Variants in IL18R1 observed in about 807,000 individuals in gnomAD.
The protein encoded by IL18R1 is interleukin-18 receptor 1.
Under a neutral mutation model 48.5 loss-of-function variants are expected in IL18R1, and 40 were observed. That is an observed-to-expected ratio of 0.82 (90% CI 0.64 to 1.07). IL18R1 has a LOEUF of 1.07. Ranked by LOEUF, IL18R1 falls within the 50% of genes least tolerant of loss-of-function variation. IL18R1 has a pLI of 0.00. For synonymous variants in IL18R1, 232 were observed against 225.9 expected (o/e 1.03, Z -0.24); for missense variants, 596 against 633.7 (o/e 0.94, Z 0.64).
rs1310517921 is a variant in IL18R1 at position 102,367,817 on chromosome 2, T to C, written c.59-8T>C. ...TTTTATTTATTTTACTTTACTAATC[T>C]TTTGAAGAATCTTGTACTTCACGTC... On this transcript the variant is annotated splice_polypyrimidine_tract_variant and splice_region_variant and intron_variant, in intron 2 of 10. Coordinates refer to ENST00000233957, the MANE Select transcript of IL18R1 (RefSeq NM_003855.5). 5.0e-6 allele frequency: 8 copies of C among 1,606,772 alleles called. No homozygotes were observed. In the African/African-American group the frequency reaches 1.1e-4, roughly 22 times the overall value.
intron 2 of IL18R1, among the ~76,000 whole-genome samples, chr2:102,363,503 A>G (rs1454206737): frequency 1.3e-5 from 2 of 152,212 alleles, no homozygotes; most frequent in African/African-American, 4.8e-5. Flanking sequence ...CCCAGATGAT[A>G]AAAGAATGAG....
intron 2 of IL18R1, among the ~76,000 whole-genome samples, chr2:102,363,680 G>A (rs139477134): frequency 0.013 from 1,908 of 149,280 alleles, 49 homozygotes; most frequent in African/African-American, 0.045. Flanking sequence ...CATGCAGCCA[G>A]TTGTGCAAAG....
At chr2:102,371,927 A>G in intron 3 of IL18R1, 26 bp from the exon 4 acceptor site, 1 of 1,346,000 alleles carries the variant, frequency 7.4e-7, no homozygotes, top group Non-Finnish European at 1.0e-6. Flanking sequence ...AGCATTATAA[A>G]ATACCTTTAC....
chr2:102,358,275 T>C (rs1678370016), intron 1 of IL18R1, among the ~76,000 whole-genome samples: 1 of 152,182 alleles, frequency 6.6e-6, no homozygotes, highest in South Asian at 2.1e-4. Flanking sequence ...GTGGGACCCA[T>C]AAACAAGGGC....
At chr2:102,379,755 T>A (rs565575267) in intron 5 of IL18R1, among the ~76,000 whole-genome samples, 1 of 152,134 alleles carries the variant, frequency 6.6e-6, no homozygotes, top group Non-Finnish European at 1.5e-5. Flanking sequence ...CAGGAGAAGG[T>A]TAGAGTCATG....
At chr2:102,380,452 C>T (rs971521473) in intron 5 of IL18R1, among the ~76,000 whole-genome samples, 10 of 152,124 alleles carry the variant, frequency 6.6e-5, no homozygotes, top group Admixed American at 6.5e-5. Context: ...GAATTCAAGC[C>T]GGTGTTGCTT....
intron 4 of IL18R1, 72 bp from the exon 5 acceptor site, chr2:102,375,835 C>A: frequency 9.7e-7 from 1 of 1,032,840 alleles, no homozygotes; most frequent in Non-Finnish European, 1.3e-6. Flanking sequence ...ATCTTTAACT[C>A]AAAAATTTGG....
chr2:102,389,992 A>G (rs1301713118), intron 8 of IL18R1, 64 bp from the exon 9 acceptor site: 6 of 1,545,694 alleles, frequency 3.9e-6, no homozygotes, highest in Non-Finnish European at 5.3e-6. Context: ...CAAGCACGTG[A>G]TGATGGACAA....
At chr2:102,362,111 A>G (rs1678610949) in intron 1 of IL18R1, among the ~76,000 whole-genome samples, 1 of 152,230 alleles carries the variant, frequency 6.6e-6, no homozygotes, top group African/African-American at 2.4e-5. Context: ...AAATAGACTT[A>G]GTGCCTAGAA....
chr2:102,390,016 T>A, intron 8 of IL18R1, 40 bp from the exon 9 acceptor site: 1 of 1,604,790 alleles, frequency 6.2e-7, no homozygotes, highest in Non-Finnish European at 8.5e-7. Context: ...TGGTAAGATT[T>A]CTTGATTATT....
At chr2:102,388,693 C>T (rs181714983) in intron 8 of IL18R1, among the ~76,000 whole-genome samples, 1 of 152,180 alleles carries the variant, frequency 6.6e-6, no homozygotes, top group Non-Finnish European at 1.5e-5. Flanking sequence ...CCACCATCAC[C>T]CCGTGCCAAT....
At chr2:102,389,189 A>AT (rs980640949) in intron 8 of IL18R1, among the ~76,000 whole-genome samples, 1 of 152,178 alleles carries the variant, frequency 6.6e-6, no homozygotes, top group African/African-American at 2.4e-5. Flanking sequence ...TATAATTTTA[A>AT]TGACCTACTG....
intron 5 of IL18R1, among the ~76,000 whole-genome samples, chr2:102,380,691 C>T (rs185766481): frequency 5.3e-5 from 8 of 152,284 alleles, no homozygotes; most frequent in Middle Eastern, 6.8e-3. Flanking sequence ...TGAGAGGGCT[C>T]AGGGAGGTGT....
At chr2:102,373,103 G>C (rs1032850082) in intron 4 of IL18R1, among the ~76,000 whole-genome samples, 2 of 152,134 alleles carry the variant, frequency 1.3e-5, no homozygotes, top group African/African-American at 2.4e-5. Context: ...AAAACTCCTA[G>C]TGGTTTTTTC....
At chr2:102,378,900 C>A (rs1441374565) in intron 5 of IL18R1, among the ~76,000 whole-genome samples, 1 of 152,152 alleles carries the variant, frequency 6.6e-6, no homozygotes, top group Non-Finnish European at 1.5e-5. Context: ...GGAAGACAGC[C>A]AGGAGGTGTT....
intron 7 of IL18R1, among the ~76,000 whole-genome samples, chr2:102,385,394 G>T (rs1294629582): frequency 6.6e-6 from 1 of 152,082 alleles, no homozygotes; most frequent in Non-Finnish European, 1.5e-5. Flanking sequence ...GGCCAAAAAG[G>T]CTCCAAATGG....
At chr2:102,380,395 A>G (rs1679851269) in intron 5 of IL18R1, among the ~76,000 whole-genome samples, 1 of 152,212 alleles carries the variant, frequency 6.6e-6, no homozygotes, top group African/African-American at 2.4e-5. Context: ...GGTAGTCAGT[A>G]GCAGTTTTCC....
chr2:102,370,929 A>G (rs1173744030), intron 3 of IL18R1, among the ~76,000 whole-genome samples: 2 of 152,248 alleles, frequency 1.3e-5, no homozygotes, highest in Non-Finnish European at 2.9e-5. Context: ...TGCTGTATTT[A>G]GCAAATAAAT....
chr2:102,376,216 G>A (rs953854980), intron 5 of IL18R1, among the ~76,000 whole-genome samples, 153 bp downstream of exon 5: 46 of 152,060 alleles, frequency 3.0e-4, no homozygotes, highest in African/African-American at 8.5e-4. Context: ...TCTTCATTCT[G>A]GTGCTCCTCT....
Sources: allele counts gnomAD v4.1 joint callset (sites outside exome capture counted in the v4.1 genomes callset), GRCh38; gene constraint gnomAD v4.1.1; transcripts MANE v1.5; gene names NCBI Gene and HGNC (gene_info 2026-07-23, HGNC 2026-07-21).